Variants in SFXN5 observed in about 807,000 individuals in gnomAD.
The protein encoded by SFXN5 is sideroflexin 5.
Under a neutral mutation model 50.2 loss-of-function variants are expected in SFXN5, and 43 were observed. That is an observed-to-expected ratio of 0.86 (90% confidence interval 0.67 to 1.11). The LOEUF is 1.11. Ranked by LOEUF, SFXN5 falls within the 50% of genes least tolerant of loss-of-function variation. The probability of loss-of-function intolerance (pLI) is 0.00; values close to 1 mark genes in which losing one functional copy is unlikely to be tolerated. For missense variants in SFXN5, 463 were observed against 454.1 expected (o/e 1.02, Z -0.18); for synonymous variants, 203 against 185.8 (o/e 1.09, Z -0.75).
chr2:72,977,693 G>C lies in SFXN5; in HGVS notation c.626-6008C>G, dbSNP rs186730434. Among the ~76,000 whole-genome samples, 680 of 152,208 alleles carry C rather than the reference G, an allele frequency of 4.5e-3. 9 individuals carry two copies. Among genetic ancestry groups the C allele is most frequent in the African/African-American group, 0.015 (616 of 41,538 alleles). The stretch of plus-strand genomic sequence containing the variant: ...CATTTTGTGTTGTTAAGAAACTCTA[G>C]GTGGGGTGTGGTGCCTCACTCCTGT... On this transcript the variant is annotated intron_variant, in intron 10 of 13. Coordinates refer to ENST00000272433, the MANE Select transcript of SFXN5 (RefSeq NM_144579.3).
At position 73,009,208 on chromosome 2, in the gene SFXN5, C is replaced by T. The variant is rs544501854; in HGVS notation, c.358-7630G>A. 1.2e-4 allele frequency among the ~76,000 whole-genome samples: 18 copies of T among 152,330 alleles called. No homozygotes were observed. The South Asian group carries it at 3.7e-3, about 32-fold the overall frequency. On this transcript the variant is annotated intron_variant, in intron 6 of 13. Transcript: ENST00000272433. Reference sequence around the variant, plus strand: ...CCACTCCATCAGACCAGGGGCTTTCCTAAGGTGTGGACTGGAACCTTCACT... The same window carrying T: ...CCACTCCATCAGACCAGGGGCTTTCTTAAGGTGTGGACTGGAACCTTCACT...
chr2:72,993,198 A>G (rs1672820954), intron 9 of SFXN5, among the ~76,000 whole-genome samples: 1 of 152,114 alleles, frequency 6.6e-6, no homozygotes, highest in Non-Finnish European at 1.5e-5. Context: ...GGGGTTTGTG[A>G]GGGCACCGGG....
chr2:73,052,326 A>G (rs71416771), intron 2 of SFXN5, among the ~76,000 whole-genome samples: 12,371 of 149,546 alleles, frequency 0.083, 661 homozygotes, highest in Non-Finnish European at 0.11. Flanking sequence ...AAATTAGAAA[A>G]TGTAAGAGAG....
At chr2:73,056,374 C>T (rs1360754065) in intron 2 of SFXN5, among the ~76,000 whole-genome samples, 2 of 147,112 alleles carry the variant, frequency 1.4e-5, no homozygotes, top group African/African-American at 2.5e-5. Flanking sequence ...AAGAGCGAGA[C>T]TCTGTCTCAA....
intron 2 of SFXN5, among the ~76,000 whole-genome samples, chr2:73,042,329 T>C (rs1679745458): frequency 6.6e-6 from 1 of 152,066 alleles, no homozygotes; most frequent in Non-Finnish European, 1.5e-5. Flanking sequence ...AAAAGTAAAC[T>C]ATGGGCTGGA....
Position 73,057,009 on chromosome 2 carries a change from T to C in SFXN5, c.171+1519A>G, listed in dbSNP as rs549941354. On this transcript the variant is annotated intron_variant, in intron 2 of 13. Transcript: ENST00000272433. ...GTTTTATTCATAATAGCCAAAAAAC[T>C]GGAAAGAATCCAGGTGTTTATCAAC... 2.0e-5 allele frequency among the ~76,000 whole-genome samples: 3 copies of C among 152,294 alleles called. 1 individual carries two copies. Among genetic ancestry groups the C allele is most frequent in the African/African-American group, 7.2e-5 (3 of 41,568 alleles).
At chr2:72,986,113 C>T (rs984286343) in intron 10 of SFXN5, among the ~76,000 whole-genome samples, 1 of 152,214 alleles carries the variant, frequency 6.6e-6, no homozygotes, top group Non-Finnish European at 1.5e-5. Flanking sequence ...TTTATTAGGC[C>T]CCTTAACGAA....
In SFXN5 at chr2:72,961,294, TG is replaced by T; in HGVS notation, c.828-47del. The T allele has an allele frequency of 7.3e-7, 1 of 1,372,350 alleles. No individual in the cohort carries two copies. The allele number at this position is 1,372,350 out of a possible 1,614,324, so 85.0% of individuals were successfully genotyped here. On this transcript the variant is annotated intron_variant, in intron 12 of 13. Transcript: ENST00000272433. This position sits in a 1 kb window ranked among gnomAD's most constrained non-coding sequence, Gnocchi z 4.4. ...AGCCCCATGAGACCCGAAGGTGGGGTGGGCTGGCTGCCAGCCACCATGCTGG... is the reference window on the plus strand; with the variant it reads ...AGCCCCATGAGACCCGAAGGTGGGGTGGCTGGCTGCCAGCCACCATGCTGG...
In SFXN5 at chr2:73,053,007, G is replaced by A. The variant is rs142966233; in HGVS notation, c.171+5521C>T. Among the ~76,000 whole-genome samples the A allele has an allele frequency of 4.2e-3, 641 of 152,122 alleles. 4 individuals are homozygous for A. The highest frequency in any genetic ancestry group is 0.014 in the African/African-American group (598 of 41,502). On this transcript the variant is annotated intron_variant, in intron 2 of 13. Coordinates refer to ENST00000272433, the MANE Select transcript of SFXN5 (RefSeq NM_144579.3). ...AGCCTGGCCAACATGGCAAAACCCC[G>A]TCTCTACAAAAATACAAAAATTATC... is the stretch of plus-strand genomic sequence containing the variant.
At chr2:73,009,886 T>C (rs945030352) in intron 6 of SFXN5, among the ~76,000 whole-genome samples, 2 of 152,140 alleles carry the variant, frequency 1.3e-5, no homozygotes, top group African/African-American at 4.8e-5. Context: ...TGAGCCTCAG[T>C]AACTCCTTGT....
intron 12 of SFXN5, among the ~76,000 whole-genome samples, chr2:72,963,530 A>C (rs1674002667): frequency 1.3e-5 from 2 of 148,464 alleles, no homozygotes; most frequent in Admixed American, 6.7e-5. Flanking sequence ...ACAGTAGGAC[A>C]GGGGGAAGGG....
chr2:72,984,442 C>G (rs1671660843), intron 10 of SFXN5, among the ~76,000 whole-genome samples: 1 of 152,266 alleles, frequency 6.6e-6, no homozygotes, highest in South Asian at 2.1e-4. Context: ...CCAGGCCACA[C>G]TGCTCAGTTT....
At chr2:73,042,249 C>T (rs1415645599) in intron 2 of SFXN5, among the ~76,000 whole-genome samples, 1 of 152,070 alleles carries the variant, frequency 6.6e-6, no homozygotes. Context: ...CCCCAAACTG[C>T]AAATAATTCA....
Position 72,944,984 on chromosome 2 carries a change from G to A in SFXN5, c.*38C>T, listed in dbSNP as rs763234654. The A allele has an allele frequency of 2.5e-6, 4 of 1,599,080 alleles. No homozygotes were observed. The highest frequency in any genetic ancestry group is 2.2e-5 in the South Asian group (2 of 89,670). On this transcript the variant is annotated 3_prime_UTR_variant, in exon 14 of 14. Coordinates refer to ENST00000272433, the MANE Select transcript of SFXN5 (RefSeq NM_144579.3). ...CTACGGCCCTGCCCCTCAGCTCCCC[G>A]GCTGCACAGTGCTCCGTCCCCAGGC... is the stretch of plus-strand genomic sequence containing the variant.
intron 6 of SFXN5, among the ~76,000 whole-genome samples, chr2:73,008,929 G>C (rs977978718): frequency 6.6e-6 from 1 of 152,072 alleles, no homozygotes; most frequent in African/African-American, 2.4e-5. Flanking sequence ...CTGAGCTCTG[G>C]GGGGCGAGCA....
intron 2 of SFXN5, chr2:73,042,633 AT>A: frequency 6.6e-6 from 1 of 152,072 alleles, no homozygotes; most frequent in Admixed American, 6.6e-5. Flanking sequence ...AAAATAAAAA[AT>A]AAAAAAAATT....
chr2:73,022,888 G>A (rs1677080128), intron 4 of SFXN5, among the ~76,000 whole-genome samples: 1 of 152,210 alleles, frequency 6.6e-6, no homozygotes, highest in African/African-American at 2.4e-5. Flanking sequence ...TGTCTACCTT[G>A]CAGGCCCTCT....
intron 3 of SFXN5, among the ~76,000 whole-genome samples, chr2:73,025,176 G>A (rs1295072482): frequency 6.6e-6 from 1 of 151,976 alleles, no homozygotes; most frequent in Non-Finnish European, 1.5e-5. Context: ...AACATAAAAG[G>A]CTGATCGTCC....
chr2:72,955,313 C>T (rs1168284772), intron 13 of SFXN5, among the ~76,000 whole-genome samples: 1 of 152,238 alleles, frequency 6.6e-6, no homozygotes, highest in East Asian at 1.9e-4. Flanking sequence ...AGTAATCCCG[C>T]TGCACAGTGC....
Sources: allele counts gnomAD v4.1 joint callset (sites outside exome capture counted in the v4.1 genomes callset), GRCh38; gene constraint gnomAD v4.1.1; non-coding constraint Gnocchi (gnomAD v3.1); transcripts MANE v1.5; gene names NCBI Gene and HGNC (gene_info 2026-07-23, HGNC 2026-07-21).